CELF4: variants seen among roughly 807,000 people sequenced by gnomAD.
CELF4 encodes CUGBP Elav-like family member 4, also known as CUG-BP- and ETR-3-like factor 4.
In CELF4, 18 loss-of-function variants were observed where a neutral mutation model predicts 59.9. That is an observed-to-expected ratio of 0.30 (90% CI 0.21 to 0.45). The LOEUF (loss-of-function observed/expected upper bound fraction) is 0.45, where lower values mean the gene tolerates loss of function less well. Ranked by LOEUF, CELF4 falls within the 20% of genes least tolerant of loss-of-function variation. The pLI, the probability that CELF4 is intolerant of heterozygous loss-of-function variation, is 1.00. For missense variants in CELF4, 456 were observed against 689.0 expected (o/e 0.66, Z 3.79); for synonymous variants, 261 against 267.1 (o/e 0.98, Z 0.22).
chr18:37,528,263 A>G (rs1032404069), intron 1 of CELF4, among the ~76,000 whole-genome samples: 11 of 152,256 alleles, frequency 7.2e-5, no homozygotes, highest in African/African-American at 2.7e-4. Flanking sequence ...CTCTGGAGCC[A>G]AATATCAATC....
chr18:37,355,588 G>A (rs1039336961), intron 2 of CELF4, among the ~76,000 whole-genome samples: 4 of 152,028 alleles, frequency 2.6e-5, no homozygotes, highest in African/African-American at 7.2e-5. Flanking sequence ...CAGGAGAATC[G>A]CTTGAACCCG....
At chr18:37,268,923 ATTGT>A (rs1287838133) in intron 8 of CELF4, among the ~76,000 whole-genome samples, 2 of 152,018 alleles carry the variant, frequency 1.3e-5, no homozygotes, top group Non-Finnish European at 2.9e-5. Context: ...CTGGCAAGGA[ATTGT>A]TTATGAGATG....
At chr18:37,553,953 C>G (rs564318325) in intron 1 of CELF4, among the ~76,000 whole-genome samples, 2 of 152,318 alleles carry the variant, frequency 1.3e-5, no homozygotes, top group Admixed American at 1.3e-4. Flanking sequence ...GAACCCTCCC[C>G]TCACACGCAA....
intron 3 of CELF4, among the ~76,000 whole-genome samples, chr18:37,318,169 A>AGGGCTG (rs1416925556): frequency 2.0e-5 from 3 of 152,124 alleles, no homozygotes; most frequent in Non-Finnish European, 2.9e-5. Flanking sequence ...CTGCTGAGCC[A>AGGGCTG]GGGCTGGGGC....
chr18:37,303,213 G>C (rs2096184677), intron 3 of CELF4, among the ~76,000 whole-genome samples: 1 of 152,146 alleles, frequency 6.6e-6, no homozygotes, highest in African/African-American at 2.4e-5. Flanking sequence ...GAGGCCCAGA[G>C]CCCACAGGCA....
intron 2 of CELF4, among the ~76,000 whole-genome samples, chr18:37,431,615 C>T (rs368299719): frequency 3.9e-5 from 6 of 152,086 alleles, no homozygotes; most frequent in South Asian, 2.1e-4. Context: ...GTGATCTGCC[C>T]GCCTCGGCCT....
At chr18:37,478,280 C>T (rs1333576356) in intron 2 of CELF4, among the ~76,000 whole-genome samples, 1 of 152,216 alleles carries the variant, frequency 6.6e-6, no homozygotes, top group Non-Finnish European at 1.5e-5. Context: ...TCTGCCCAGA[C>T]CACGTGGCTT....
chr18:37,446,304 G>A (rs2099748061), intron 2 of CELF4, among the ~76,000 whole-genome samples: 2 of 152,150 alleles, frequency 1.3e-5, no homozygotes, highest in Non-Finnish European at 2.9e-5. Flanking sequence ...TAGGCCAGGG[G>A]CTCTCCAGGC....
chr18:37,383,999 C>T (rs1569568313), intron 2 of CELF4, among the ~76,000 whole-genome samples: 2 of 152,202 alleles, frequency 1.3e-5, no homozygotes, highest in African/African-American at 4.8e-5. Flanking sequence ...TCCAGACACC[C>T]TGCTGCACTG....
chr18:37,431,130 CCT>C (rs1200115042), intron 2 of CELF4, among the ~76,000 whole-genome samples: 1 of 152,168 alleles, frequency 6.6e-6, no homozygotes, highest in East Asian at 1.9e-4. Flanking sequence ...TCCTTGCTCT[CCT>C]CTGTCTGGGG....
intron 2 of CELF4, among the ~76,000 whole-genome samples, chr18:37,476,220 T>C (rs1291037050): frequency 1.3e-5 from 2 of 152,240 alleles, no homozygotes; most frequent in Non-Finnish European, 2.9e-5. Flanking sequence ...TGCCCCAAGT[T>C]GGTTGGTGTC....
intron 2 of CELF4, among the ~76,000 whole-genome samples, chr18:37,337,754 C>G (rs1036774918): frequency 6.6e-6 from 1 of 152,234 alleles, no homozygotes; most frequent in African/African-American, 2.4e-5. Flanking sequence ...TGCTCATGCT[C>G]AAGTTTACCA....
intron 2 of CELF4, among the ~76,000 whole-genome samples, chr18:37,353,063 T>C (rs1033012801): frequency 6.6e-6 from 1 of 151,580 alleles, no homozygotes; most frequent in East Asian, 1.9e-4. Flanking sequence ...CTACTAAAAA[T>C]ACAAAAAATT....
chr18:37,377,053 C>T (rs949787071), intron 2 of CELF4, among the ~76,000 whole-genome samples: 1 of 150,302 alleles, frequency 6.7e-6, no homozygotes, highest in Non-Finnish European at 1.5e-5. Context: ...ATAACTAAAG[C>T]AAGGAGGAGA....
intron 2 of CELF4, among the ~76,000 whole-genome samples, chr18:37,426,730 A>G (rs1603638490): frequency 1.3e-5 from 2 of 152,180 alleles, no homozygotes; most frequent in Non-Finnish European, 2.9e-5. Context: ...AAGTCTCATT[A>G]GAACACGTGG....
At chr18:37,435,410 T>A (rs189444033) in intron 2 of CELF4, among the ~76,000 whole-genome samples, 2 of 152,266 alleles carry the variant, frequency 1.3e-5, no homozygotes, top group African/African-American at 4.8e-5. Context: ...CTGCTGTCAA[T>A]GGTTCTAGTC....
chr18:37,275,023 G>A (rs1387450213), intron 4 of CELF4, 92 bp downstream of exon 4: 1 of 1,548,948 alleles, frequency 6.5e-7, no homozygotes, highest in Non-Finnish European at 8.8e-7. Flanking sequence ...AGAGACAGAC[G>A]GCGATGGCCC....
intron 5 of CELF4, 119 bp from the exon 6 acceptor site, chr18:37,274,573 C>T (rs750952759): frequency 1.2e-5 from 19 of 1,581,326 alleles, no homozygotes; most frequent in Non-Finnish European, 1.6e-5. Flanking sequence ...GAGGCGGCAT[C>T]GGCGCTCGCC....
chr18:37,358,589 C>A (rs2098644728), intron 2 of CELF4, among the ~76,000 whole-genome samples: 1 of 152,204 alleles, frequency 6.6e-6, no homozygotes. Flanking sequence ...CAAGACAAGG[C>A]CACCCTGACC....
Sources: gnomAD v4.1 joint callset for allele counts (sites outside exome capture counted in the v4.1 genomes callset) on GRCh38, gnomAD v4.1.1 for gene constraint, MANE v1.5 for transcripts, NCBI Gene and HGNC (gene_info 2026-07-23, HGNC 2026-07-21) for gene names.